The following ATRNL1 variants were observed in gnomAD, a reference collection of about 807,000 sequenced individuals.
ATRNL1 encodes attractin-like protein 1.
Under a neutral mutation model 182.7 loss-of-function variants are expected in ATRNL1, and 95 were observed. The ratio of observed to expected loss-of-function variants is 0.52; its 90% CI spans 0.44 to 0.62. ATRNL1 has a LOEUF of 0.62. ATRNL1 is among the 20% of genes least tolerant of loss of function. ATRNL1 has a pLI of 0.00. For missense variants in ATRNL1, 1,471 were observed against 1,679.5 expected, an observed-to-expected ratio of 0.88 and a Z score of 2.17; for synonymous variants, 576 against 568.3, an observed-to-expected ratio of 1.01 and a Z score of -0.19.
chr10:115,383,665 C>A (rs1303443849), intron 19 of ATRNL1, among the ~76,000 whole-genome samples: 1 of 151,906 alleles, frequency 6.6e-6, no homozygotes, highest in Non-Finnish European at 1.5e-5. Flanking sequence ...CTTGGTGCTG[C>A]TTCCAAAAAT....
intron 27 of ATRNL1, among the ~76,000 whole-genome samples, chr10:115,799,281 A>T (rs1555083790): frequency 6.6e-6 from 1 of 152,228 alleles, no homozygotes; most frequent in African/African-American, 2.4e-5. Context: ...TTCTACAATA[A>T]CACACCTGGC....
intron 21 of ATRNL1, among the ~76,000 whole-genome samples, chr10:115,441,503 T>G (rs1263276793): frequency 6.6e-6 from 1 of 151,948 alleles, no homozygotes; most frequent in African/African-American, 2.4e-5. Context: ...TGTCACTGAC[T>G]GCACCTTTTT....
At chr10:115,926,541 A>G (rs955832441) in intron 28 of ATRNL1, among the ~76,000 whole-genome samples, 2 of 152,172 alleles carry the variant, frequency 1.3e-5, no homozygotes, top group Admixed American at 6.6e-5. Flanking sequence ...AAAAGAGAGA[A>G]GAATCTAATA....
At chr10:115,099,800 C>T (rs550178765) in intron 1 of ATRNL1, among the ~76,000 whole-genome samples, 8 of 152,126 alleles carry the variant, frequency 5.3e-5, no homozygotes, top group Admixed American at 4.6e-4. Context: ...TTTGTGAGTT[C>T]TTTACATTTT....
intron 27 of ATRNL1, among the ~76,000 whole-genome samples, chr10:115,784,499 A>G (rs1243259109): frequency 1.3e-5 from 2 of 152,222 alleles, no homozygotes; most frequent in Admixed American, 6.5e-5. Context: ...CAGATTCTGT[A>G]TTAGTTTTCT....
chr10:115,729,390 G>GA (rs1422872621), intron 27 of ATRNL1, among the ~76,000 whole-genome samples: 1 of 151,548 alleles, frequency 6.6e-6, no homozygotes, highest in Non-Finnish European at 1.5e-5. Flanking sequence ...ATACTTTCTG[G>GA]AAAAAACTGT....
intron 28 of ATRNL1, among the ~76,000 whole-genome samples, chr10:115,889,231 G>T (rs903368457): frequency 2.8e-4 from 43 of 152,188 alleles, no homozygotes; most frequent in African/African-American, 1.0e-3. Flanking sequence ...CTCTCTCTTA[G>T]TCCATTACTA....
intron 28 of ATRNL1, among the ~76,000 whole-genome samples, chr10:115,929,828 G>T (rs1249561104): frequency 3.3e-5 from 5 of 152,080 alleles, no homozygotes; most frequent in African/African-American, 1.2e-4. Flanking sequence ...ATATGTTAAA[G>T]ATGGGAAGTT....
intron 27 of ATRNL1, among the ~76,000 whole-genome samples, chr10:115,773,065 C>G (rs1047155559): frequency 2.0e-5 from 3 of 152,054 alleles, no homozygotes; most frequent in Non-Finnish European, 4.4e-5. Context: ...GTGAAGAAAA[C>G]TACTACGGAA....
intron 5 of ATRNL1, among the ~76,000 whole-genome samples, chr10:115,143,843 C>G (rs782185864): frequency 6.6e-6 from 1 of 152,136 alleles, no homozygotes; most frequent in Non-Finnish European, 1.5e-5. Context: ...GAGGACCCTA[C>G]CCTGATAACC....
chr10:115,232,241 A>G (rs961134409), intron 9 of ATRNL1, among the ~76,000 whole-genome samples: 32 of 152,150 alleles, frequency 2.1e-4, no homozygotes, highest in Non-Finnish European at 4.7e-4. Context: ...ATTTCTTCTC[A>G]ACAATCTCAT....
chr10:115,576,848 A>C (rs1193654084), intron 26 of ATRNL1, among the ~76,000 whole-genome samples: 3 of 151,964 alleles, frequency 2.0e-5, no homozygotes, highest in African/African-American at 7.2e-5. Context: ...ATTTTCATCT[A>C]AGAGTTTTTC....
Position 115,300,135 on chromosome 10 carries a change from C to T in ATRNL1, c.2517C>T (p.Gly839=), listed in dbSNP as rs782264447. The part of the protein sequence containing the change: ...FTNTTLQWLP[G]EPNDSGFCAY... ...ACACAACACTACAGTGGCTTCCTGGCGAACCCAATGATTCTGGGTTTTGTG... is the reference window on the plus strand; with the variant it reads ...ACACAACACTACAGTGGCTTCCTGGTGAACCCAATGATTCTGGGTTTTGTG... The change falls in exon 16 of 29, where the codon GGC becomes GGT. Residue 839 remains glycine, a synonymous_variant. Transcript: ENST00000355044. 1.3e-5 allele frequency: 21 copies of T among 1,613,846 alleles called. No homozygotes were observed. Among genetic ancestry groups the T allele is most frequent in the East Asian group, 4.5e-5 (2 of 44,876 alleles).
chr10:115,211,019 G>C (rs1242045117), intron 8 of ATRNL1, among the ~76,000 whole-genome samples: 1 of 144,498 alleles, frequency 6.9e-6, no homozygotes, highest in Non-Finnish European at 1.5e-5. Context: ...TTGTATTCAT[G>C]TTTCTGCTCT....
At chr10:115,315,799 G>A in intron 18 of ATRNL1, 63 bp downstream of exon 18, 3 of 1,363,326 alleles carry the variant, frequency 2.2e-6, no homozygotes, top group Non-Finnish European at 3.0e-6. Flanking sequence ...AGGAGTTTTT[G>A]TTCTTATAAT....
chr10:115,460,666 G>T (rs1279340335), intron 21 of ATRNL1, among the ~76,000 whole-genome samples: 7 of 151,876 alleles, frequency 4.6e-5, no homozygotes, highest in African/African-American at 1.7e-4. Context: ...TTTTTTTCTG[G>T]TAAACTCCAT....
intron 27 of ATRNL1, among the ~76,000 whole-genome samples, chr10:115,796,088 C>A (rs2134223046): frequency 6.6e-6 from 1 of 152,078 alleles, no homozygotes; most frequent in Admixed American, 6.5e-5. Flanking sequence ...TCTCACCTCA[C>A]TCAGGCTTTG....
intron 26 of ATRNL1, among the ~76,000 whole-genome samples, chr10:115,671,100 C>G (rs1476164481): frequency 6.6e-6 from 1 of 152,016 alleles, no homozygotes; most frequent in Admixed American, 6.6e-5. Context: ...AGCCAAGTGT[C>G]AGAAGGACTG....
At chr10:115,269,812 T>C (rs75056468) in intron 13 of ATRNL1, among the ~76,000 whole-genome samples, 1,787 of 152,216 alleles carry the variant, frequency 0.012, 35 homozygotes, top group African/African-American at 0.04. Context: ...TGAAACTAAG[T>C]AAAAAATTTG....
Sources: allele counts gnomAD v4.1 joint callset (sites outside exome capture counted in the v4.1 genomes callset), GRCh38; gene constraint gnomAD v4.1.1; transcripts MANE v1.5; gene names NCBI Gene and HGNC (gene_info 2026-07-23, HGNC 2026-07-21).